The following DIAPH2 variants were observed in gnomAD, a reference collection of about 807,000 sequenced individuals.
DIAPH2 encodes protein diaphanous homolog 2.
A neutral mutation model predicts 92.7 loss-of-function variants in DIAPH2; 35 were observed. The ratio of observed to expected loss-of-function variants is 0.38; its 90% confidence interval spans 0.29 to 0.50. DIAPH2 has a LOEUF of 0.50. Ranked by LOEUF, DIAPH2 falls within the 20% of genes least tolerant of loss-of-function variation. The probability of loss-of-function intolerance (pLI) is 0.94; values close to 1 mark genes in which losing one functional copy is unlikely to be tolerated. For missense variants in DIAPH2, 701 were observed against 819.5 expected (o/e 0.86, Z 1.77); for synonymous variants, 301 against 280.4 (o/e 1.07, Z -0.73).
At chrX:97,319,104 A>G (rs1320027615) in intron 23 of DIAPH2, among the ~76,000 whole-genome samples, 1 of 111,869 alleles carries the variant, frequency 8.9e-6, no homozygotes, top group Admixed American at 9.6e-5. Context: ...TTTTCCATTC[A>G]TAATTTTGAG....
chrX:97,031,783 G>A (rs991748240), intron 17 of DIAPH2, among the ~76,000 whole-genome samples: 4 of 111,395 alleles, frequency 3.6e-5, no homozygotes, highest in African/African-American at 9.8e-5. Flanking sequence ...GAGGGGAGAA[G>A]GCCACCGAAC....
At chrX:97,168,657 C>T (rs182206591) in intron 22 of DIAPH2, among the ~76,000 whole-genome samples, 3 of 111,744 alleles carry the variant, frequency 2.7e-5, no homozygotes, top group African/African-American at 9.8e-5. Context: ...GCAAGTATCT[C>T]TTAGTCTCTT....
chrX:97,310,938 G>A (rs1247459125), intron 23 of DIAPH2, among the ~76,000 whole-genome samples: 1 of 111,754 alleles, frequency 8.9e-6, no homozygotes, highest in Non-Finnish European at 1.9e-5. Context: ...GAACCTGGGA[G>A]GCGGAGGTTG....
chrX:97,118,270 G>A (rs1002795471), intron 21 of DIAPH2, among the ~76,000 whole-genome samples: 1 of 111,378 alleles, frequency 9.0e-6, no homozygotes, highest in African/African-American at 3.3e-5. Flanking sequence ...GTTGCCTTTG[G>A]GATATATCAG....
At chrX:96,819,532 T>C (rs2147674118) in intron 4 of DIAPH2, among the ~76,000 whole-genome samples, 1 of 112,242 alleles carries the variant, frequency 8.9e-6, no homozygotes, top group Non-Finnish European at 1.9e-5. Flanking sequence ...TTGCAGGGCA[T>C]TTGATAGTTG....
chrX:96,881,754 A>T, intron 5 of DIAPH2, 36 bp downstream of exon 5: 1 of 1,165,893 alleles, frequency 8.6e-7, no homozygotes. Flanking sequence ...TGATTCATAC[A>T]ATTTGTAGTG....
chrX:97,485,342 C>T (rs1402389165), intron 26 of DIAPH2, among the ~76,000 whole-genome samples: 1 of 111,607 alleles, frequency 9.0e-6, no homozygotes, highest in Admixed American at 9.5e-5. Context: ...TCTTAACCCT[C>T]AGTGCCCCCA....
chrX:97,216,127 A>G (rs2067881859), intron 22 of DIAPH2, among the ~76,000 whole-genome samples: 1 of 111,975 alleles, frequency 8.9e-6, no homozygotes, highest in Non-Finnish European at 1.9e-5. Flanking sequence ...ATAAAAAACT[A>G]TGTATCCTGT....
chrX:97,415,653 T>C (rs2069935864), intron 25 of DIAPH2, among the ~76,000 whole-genome samples: 1 of 91,057 alleles, frequency 1.1e-5, no homozygotes, highest in Non-Finnish European at 2.1e-5. Flanking sequence ...AATCTAACAA[T>C]GAGATCACTT....
At chrX:97,252,141 G>A (rs2068193922) in intron 23 of DIAPH2, among the ~76,000 whole-genome samples, 1 of 111,797 alleles carries the variant, frequency 8.9e-6, no homozygotes, top group African/African-American at 3.3e-5. Flanking sequence ...CCACGATGTC[G>A]ACCTTACTGC....
In DIAPH2 at chrX:96,768,905, T is replaced by C. The variant is rs754981705; in HGVS notation, c.447+10647T>C. ...ATTTTAGGAGAGATATTTTGAAGAATTGTCACTTTAATAGCCAGCCAGGAG... is the reference window on the plus strand; with the variant it reads ...ATTTTAGGAGAGATATTTTGAAGAACTGTCACTTTAATAGCCAGCCAGGAG... On this transcript the variant is annotated intron_variant, in intron 4 of 26. Transcript: ENST00000324765. Among the ~76,000 whole-genome samples, 3 of 111,495 alleles carry C rather than the reference T, an allele frequency of 2.7e-5. No individual in the cohort carries two copies. In the South Asian group the frequency reaches 1.1e-3, roughly 42 times the overall value.
At chrX:97,564,305 G>A (rs1386316524) in intron 26 of DIAPH2, 1 of 112,322 alleles carries the variant, frequency 8.9e-6, no homozygotes, top group East Asian at 2.8e-4. Context: ...ACCCAAGCAT[G>A]TTGAAACCTT....
In DIAPH2 at chrX:96,937,317, T is replaced by C; in HGVS notation, c.1174T>C (p.Ser392Pro). Reference protein sequence around the residue: ...ENKEDDLTELSHRLNDIRAEM... With the variant: ...ENKEDDLTELPHRLNDIRAEM... ...CAAAGAAGATGACCTAACTGAATTA[T>C]CACACCGTCTCAATGACATTCGAGC... Residue 392 changes from serine to proline, a missense_variant, in exon 11 of 27, where the codon TCA becomes CCA. Ser to Pro is a moderately conservative substitution (Grantham distance 74, BLOSUM62 -1). Around this residue, in one of 3 missense-constraint regions of DIAPH2, gnomAD observed 536 missense variants for 599.3 expected, o/e 0.89. Transcript: ENST00000324765. 8.7e-7 allele frequency: 1 copy of C among 1,148,930 alleles called. No homozygotes were observed. Among genetic ancestry groups the C allele is most frequent in the Non-Finnish European group, 1.2e-6 (1 of 852,337 alleles). 94.7% of individuals were successfully genotyped at this position (1,148,930 alleles called of 1,213,427 possible).
chrX:97,141,060 C>A (rs897439684), intron 21 of DIAPH2, among the ~76,000 whole-genome samples: 47 of 110,758 alleles, frequency 4.2e-4, no homozygotes, highest in African/African-American at 1.4e-3. Flanking sequence ...TGTGGCATCT[C>A]TTTTGTTGTG....
chrX:96,803,612 A>G (rs1206715324), intron 4 of DIAPH2, among the ~76,000 whole-genome samples: 3 of 112,584 alleles, frequency 2.7e-5, no homozygotes, highest in Non-Finnish European at 5.6e-5. Flanking sequence ...TTCTGCACAC[A>G]TACTCTATTA....
chrX:97,102,042 T>C (rs775616614), intron 20 of DIAPH2, among the ~76,000 whole-genome samples: 52 of 112,431 alleles, frequency 4.6e-4, no homozygotes, highest in African/African-American at 1.5e-3. Context: ...ATTTATCACA[T>C]GATTTCTATA....
At chrX:97,245,858 G>A (rs557764833) in intron 22 of DIAPH2, among the ~76,000 whole-genome samples, 2 of 110,041 alleles carry the variant, frequency 1.8e-5, no homozygotes, top group Non-Finnish European at 3.8e-5. Context: ...CACCATGTCC[G>A]TGTAACCTAA....
intron 24 of DIAPH2, among the ~76,000 whole-genome samples, chrX:97,356,205 C>G (rs1252235828): frequency 8.9e-6 from 1 of 111,743 alleles, no homozygotes; most frequent in African/African-American, 3.2e-5. Flanking sequence ...TGTTTCAACT[C>G]CTAGAGACCT....
chrX:96,997,436 C>G (rs140615870), intron 17 of DIAPH2, among the ~76,000 whole-genome samples: 1 of 111,348 alleles, frequency 9.0e-6, no homozygotes, highest in African/African-American at 3.3e-5. Flanking sequence ...TTCCCCCATA[C>G]ATCGTGCTCC....
Sources: allele counts gnomAD v4.1 joint callset (sites outside exome capture counted in the v4.1 genomes callset), GRCh38; gene constraint gnomAD v4.1.1; regional missense constraint gnomAD v4.1.1; transcripts MANE v1.5; gene names NCBI Gene and HGNC (gene_info 2026-07-23, HGNC 2026-07-21).